The following MAN2A1 variants were observed in gnomAD, a reference collection of about 807,000 sequenced individuals.
The protein encoded by MAN2A1 is alpha-mannosidase 2.
MAN2A1 carries 76 observed loss-of-function variants against 142.6 expected under a neutral mutation model. That is an observed-to-expected ratio of 0.53 (90% CI 0.44 to 0.65). The LOEUF (loss-of-function observed/expected upper bound fraction) is 0.65. Ranked by LOEUF, MAN2A1 falls within the 30% of genes least tolerant of loss-of-function variation. MAN2A1 has a pLI of 0.00. For synonymous variants in MAN2A1, 559 were observed against 473.2 expected (o/e 1.18, Z -2.35); for missense variants, 1,311 against 1,365.1 (o/e 0.96, Z 0.62).
chr5:109,812,485 A>G (rs1444080435), intron 12 of MAN2A1, among the ~76,000 whole-genome samples: 1 of 152,160 alleles, frequency 6.6e-6, no homozygotes, highest in Non-Finnish European at 1.5e-5. Context: ...GTTAACATGT[A>G]AATTCATGTT....
At chr5:109,799,137 T>G (rs1036484821) in intron 12 of MAN2A1, among the ~76,000 whole-genome samples, 3 of 152,212 alleles carry the variant, frequency 2.0e-5, no homozygotes, top group African/African-American at 7.2e-5. Context: ...TTGGCGGAGT[T>G]TAATACGGTT....
chr5:109,751,591 A>G (rs948972921), intron 4 of MAN2A1, among the ~76,000 whole-genome samples: 9 of 151,736 alleles, frequency 5.9e-5, no homozygotes, highest in Non-Finnish European at 1.0e-4. Flanking sequence ...TAAATCTTCA[A>G]TGCCTATTTT....
At chr5:109,841,739 C>T (rs1755211050) in intron 16 of MAN2A1, among the ~76,000 whole-genome samples, 1 of 152,198 alleles carries the variant, frequency 6.6e-6, no homozygotes, top group African/African-American at 2.4e-5. Context: ...CTAAACTCAA[C>T]TAAAATTGAT....
rs546129919 is a variant in MAN2A1, at chr5:109,802,777, T to G, written c.1943+13250T>G. Among the ~76,000 whole-genome samples the G allele has an allele frequency of 1.1e-3, 164 of 152,206 alleles. 1 individual carries two copies. The highest frequency in any genetic ancestry group is 3.8e-3 in the African/African-American group (159 of 41,566). On this transcript the variant is annotated intron_variant, in intron 12 of 21. Coordinates refer to ENST00000261483, the MANE Select transcript of MAN2A1 (RefSeq NM_002372.4). ...TTTTTTCTTTGCGAGAATTCATTCC[T>G]TGACTTTACTGAGTGTTGTAGCTTC...
intron 1 of MAN2A1, among the ~76,000 whole-genome samples, chr5:109,698,703 TC>T (rs1387512679): frequency 6.6e-6 from 1 of 152,232 alleles, no homozygotes; most frequent in Non-Finnish European, 1.5e-5. Context: ...TGTCCTATGT[TC>T]TTGCTGGTGC....
intron 13 of MAN2A1, among the ~76,000 whole-genome samples, chr5:109,818,743 T>G (rs1580284166): frequency 6.6e-6 from 1 of 152,168 alleles, no homozygotes; most frequent in Non-Finnish European, 1.5e-5. Flanking sequence ...AGCCAAACAA[T>G]TGAGAATGAT....
chr5:109,791,414 A>C (rs1335168876), intron 12 of MAN2A1, among the ~76,000 whole-genome samples: 1 of 152,090 alleles, frequency 6.6e-6, no homozygotes. Context: ...TTTAAAATGG[A>C]AGAATTTGAT....
intron 19 of MAN2A1, among the ~76,000 whole-genome samples, chr5:109,849,515 G>A (rs1393159024): frequency 6.6e-6 from 1 of 152,040 alleles, no homozygotes; most frequent in Admixed American, 6.6e-5. Flanking sequence ...CTCCCCATCA[G>A]CCTTTTCTCA....
rs147452397 is a variant in MAN2A1 at position 109,802,651 on chromosome 5, C to A, written c.1943+13124C>A. Among the ~76,000 whole-genome samples the A allele has an allele frequency of 1.9e-3, 290 of 152,202 alleles. 2 individuals carry two copies. The highest frequency in any genetic ancestry group is 6.7e-3 in the African/African-American group (278 of 41,554). On this transcript the variant is annotated intron_variant, in intron 12 of 21. Coordinates refer to ENST00000261483, the MANE Select transcript of MAN2A1 (RefSeq NM_002372.4). The stretch of plus-strand genomic sequence containing the variant: ...ATTCCCATCATTTCAAAAATCTGTT[C>A]AAAAATGTCTGTCTCTTAAGAAATC...
Position 109,859,398 on chromosome 5 carries a change from A to G in MAN2A1, c.3171+4064A>G, listed in dbSNP as rs1755701286. On this transcript the variant is annotated intron_variant, in intron 20 of 21. Transcript: ENST00000261483. ...TTTTTGGAAAATGATTATATGCCGT[A>G]TATTTGTATTCAGATGAAAAGGGGA... is the stretch of plus-strand genomic sequence containing the variant. Among the ~76,000 whole-genome samples, 3 of 152,298 alleles carry G rather than the reference A, an allele frequency of 2.0e-5. No individual in the cohort carries two copies. In the South Asian group the frequency reaches 6.2e-4, roughly 32 times the overall value.
In MAN2A1 at chr5:109,855,480, T is replaced by G. The variant is rs1054703180; in HGVS notation, c.3171+146T>G. On this transcript the variant is annotated intron_variant, in intron 20 of 21. Coordinates refer to ENST00000261483, the MANE Select transcript of MAN2A1 (RefSeq NM_002372.4). ...GCTTCACCTTTAGCCAAAAGCTTCA[T>G]GCCTTTCATTTGACTATTGCTGTAT... The G allele has an allele frequency of 5.9e-6, 3 of 505,444 alleles. No individual in the cohort carries two copies. In the African/African-American group the frequency reaches 6.0e-5, roughly 10 times the overall value. 31.3% of individuals were successfully genotyped at this position (505,444 alleles called of 1,614,324 possible).
At chr5:109,702,932 A>G (rs1247462266) in intron 1 of MAN2A1, among the ~76,000 whole-genome samples, 3 of 152,216 alleles carry the variant, frequency 2.0e-5, no homozygotes, top group African/African-American at 4.8e-5. Flanking sequence ...GTGCTTGTAT[A>G]AAGAGTAGTT....
At chr5:109,747,075 G>A (rs905231472) in intron 4 of MAN2A1, among the ~76,000 whole-genome samples, 3 of 152,088 alleles carry the variant, frequency 2.0e-5, no homozygotes, top group Admixed American at 1.3e-4. Flanking sequence ...TGGACATTTG[G>A]GTGGTTTCTA....
intron 12 of MAN2A1, among the ~76,000 whole-genome samples, chr5:109,801,151 A>G (rs1308922217): frequency 6.6e-6 from 1 of 152,216 alleles, no homozygotes; most frequent in Non-Finnish European, 1.5e-5. Context: ...GTTTCAAGGC[A>G]GGTAGTTAGG....
Position 109,788,938 on chromosome 5 carries a change from T to C in MAN2A1, c.1765T>C (p.Phe589Leu), listed in dbSNP as rs775703019. 2 of 1,513,432 alleles carry C rather than the reference T, an allele frequency of 1.3e-6. No individual in the cohort carries two copies. The highest frequency in any genetic ancestry group is 1.2e-5 in the South Asian group (1 of 85,786). 93.8% of individuals were successfully genotyped at this position (1,513,432 alleles called of 1,614,324 possible). A position where few individuals can be genotyped will look rare whatever the true frequency, so the allele number is the denominator to read the frequency against. Residue 589 changes from phenylalanine to leucine, a missense_variant, in exon 11 of 22, where the codon TTT (phenylalanine) becomes CTT (leucine). Phe to Leu is a conservative substitution (Grantham distance 22). This residue lies in a region of MAN2A1 where 890 missense variants were observed against 920.5 expected (regional missense o/e 0.97). Transcript: ENST00000261483. ...AATAAAATTTTTGATTTACAGACTT[T>C]TTCATTCGTTAATGGTTTTGGAGAA... Reference protein sequence around the residue: ...WVVVDYGTRLFHSLMVLEKII... With the variant: ...WVVVDYGTRLLHSLMVLEKII...
intron 1 of MAN2A1, among the ~76,000 whole-genome samples, chr5:109,702,381 G>A (rs369965122): frequency 2.6e-4 from 39 of 151,406 alleles, no homozygotes; most frequent in South Asian, 1.9e-3. Context: ...TGGGCAGCCC[G>A]GTGGTGGAGA....
intron 20 of MAN2A1, among the ~76,000 whole-genome samples, chr5:109,861,986 T>C (rs1032304470): frequency 4.6e-5 from 7 of 152,188 alleles, no homozygotes; most frequent in Non-Finnish European, 8.8e-5. Context: ...TACAAACTTA[T>C]ATATCACCTC....
At chr5:109,700,685 G>T (rs975287323) in intron 1 of MAN2A1, among the ~76,000 whole-genome samples, 6 of 152,130 alleles carry the variant, frequency 3.9e-5, no homozygotes, top group African/African-American at 1.4e-4. Flanking sequence ...AGTAGGCTGG[G>T]TCCTTCCAGG....
At chr5:109,765,303 T>A (rs1240170379) in intron 5 of MAN2A1, among the ~76,000 whole-genome samples, 2 of 152,144 alleles carry the variant, frequency 1.3e-5, no homozygotes, top group Non-Finnish European at 2.9e-5. Flanking sequence ...GAAGAGTAGA[T>A]CCACTTTTGT....
Sources: allele counts gnomAD v4.1 joint callset (sites outside exome capture counted in the v4.1 genomes callset), GRCh38; gene constraint gnomAD v4.1.1; regional missense constraint gnomAD v4.1.1; transcripts MANE v1.5; gene names NCBI Gene and HGNC (gene_info 2026-07-23, HGNC 2026-07-21).